The following SH2D4B variants were observed in gnomAD, a reference collection of about 807,000 sequenced individuals.
SH2D4B encodes the protein SH2 domain-containing protein 4B.
In SH2D4B, 45 loss-of-function variants were observed where a neutral mutation model predicts 61.5. The ratio of observed to expected loss-of-function variants is 0.73; its 90% confidence interval spans 0.58 to 0.94. SH2D4B has a LOEUF of 0.94. Among genes scored for constraint, SH2D4B ranks in the 40% least tolerant of loss-of-function variants. The pLI, the probability that SH2D4B is intolerant of heterozygous loss-of-function variation, is 0.00. For missense variants in SH2D4B, 572 were observed against 574.2 expected (o/e 1.00, Z 0.04); for synonymous variants, 224 against 220.4 (o/e 1.02, Z -0.14).
intron 2 of SH2D4B, 79 bp downstream of exon 2, chr10:80,570,395 T>C: frequency 1.3e-6 from 2 of 1,508,080 alleles, no homozygotes; most frequent in Non-Finnish European, 9.0e-7. Context: ...AATTTTTGTA[T>C]TTTTAGTAGA....
intron 3 of SH2D4B, among the ~76,000 whole-genome samples, chr10:80,575,094 A>G (rs898665262): frequency 4.6e-5 from 7 of 152,052 alleles, no homozygotes; most frequent in African/African-American, 1.4e-4. Context: ...AATTTCAAAC[A>G]TGAAGAAAAG....
At chr10:80,544,632 T>C (rs1221949549) in intron 1 of SH2D4B, among the ~76,000 whole-genome samples, 1 of 152,268 alleles carries the variant, frequency 6.6e-6, no homozygotes, top group South Asian at 2.1e-4. Flanking sequence ...TGACCTTGCA[T>C]GCCAGCCCTG....
chr10:80,618,668 G>A (rs1842684644), intron 6 of SH2D4B, among the ~76,000 whole-genome samples: 1 of 152,182 alleles, frequency 6.6e-6, no homozygotes. Flanking sequence ...TGGTAATGGA[G>A]GTGTTGTCAG....
Position 80,643,961 on chromosome 10 carries a change from A to G in SH2D4B, c.1210-32A>G, listed in dbSNP as rs769055208. ...AGATGTGTATTTCCCTGTCTTGATT[A>G]TAAGTGGATTTTCCTTTTTTTTCTG... is the stretch of plus-strand genomic sequence containing the variant. On this transcript the variant is annotated intron_variant, in intron 7 of 7. Transcript: ENST00000646907. 9 of 1,563,826 alleles carry G rather than the reference A, an allele frequency of 5.8e-6. No individual in the cohort carries two copies. In the African/African-American group the frequency reaches 6.8e-5, roughly 12 times the overall value.
At chr10:80,547,820 G>A (rs1449986486) in intron 1 of SH2D4B, among the ~76,000 whole-genome samples, 1 of 152,206 alleles carries the variant, frequency 6.6e-6, no homozygotes, top group Non-Finnish European at 1.5e-5. Flanking sequence ...AAGACAAGAA[G>A]TAAGAAGCCT....
At chr10:80,562,478 G>T (rs1044014198) in intron 1 of SH2D4B, among the ~76,000 whole-genome samples, 1 of 152,198 alleles carries the variant, frequency 6.6e-6, no homozygotes, top group Admixed American at 6.5e-5. Flanking sequence ...GATATTATGT[G>T]AGGACTTACT....
At chr10:80,642,602 C>A (rs1476739684) in intron 7 of SH2D4B, among the ~76,000 whole-genome samples, 1 of 152,204 alleles carries the variant, frequency 6.6e-6, no homozygotes, top group African/African-American at 2.4e-5. Flanking sequence ...AATCCGTATA[C>A]CAAACCTTGT....
intron 5 of SH2D4B, among the ~76,000 whole-genome samples, chr10:80,608,315 G>A (rs750574457): frequency 1.2e-4 from 18 of 152,214 alleles, no homozygotes; most frequent in South Asian, 2.1e-4. Context: ...GGAGGGGCAC[G>A]GGAAGAGTTT....
intron 7 of SH2D4B, among the ~76,000 whole-genome samples, chr10:80,635,895 C>T (rs1190139336): frequency 1.3e-5 from 2 of 152,136 alleles, no homozygotes; most frequent in Non-Finnish European, 2.9e-5. Context: ...GTTTGCTGCA[C>T]CCATTAACTC....
intron 2 of SH2D4B, among the ~76,000 whole-genome samples, chr10:80,570,621 T>C (rs572836192): frequency 2.6e-5 from 4 of 152,358 alleles, no homozygotes; most frequent in African/African-American, 7.2e-5. Flanking sequence ...AATGTAACCA[T>C]AGTGAATGTT....
Position 80,571,594 on chromosome 10 carries a change from G to A in SH2D4B, c.495+16G>A, listed in dbSNP as rs773394869. On this transcript the variant is annotated intron_variant, in intron 3 of 7. Coordinates refer to ENST00000646907, the MANE Select transcript of SH2D4B (RefSeq NM_001388272.1). ...GGAATTCAAGGTGGGCCAGCGCATG[G>A]GGCCCCTGCGTGCGGCCACCTAATT... The A allele has an allele frequency of 1.2e-6, 2 of 1,612,150 alleles. No individual in the cohort carries two copies. Among genetic ancestry groups the A allele is most frequent in the South Asian group, 1.1e-5 (1 of 91,002 alleles).
At chr10:80,591,505 CTTTTT>C (rs763446349) in intron 4 of SH2D4B, among the ~76,000 whole-genome samples, 1 of 108,928 alleles carries the variant, frequency 9.2e-6, no homozygotes, top group Non-Finnish European at 1.8e-5. Context: ...GCCAAACTGG[CTTTTT>C]TTTTTTTTTT....
intron 6 of SH2D4B, among the ~76,000 whole-genome samples, chr10:80,629,932 G>A (rs565076773): frequency 6.6e-6 from 1 of 152,280 alleles, no homozygotes; most frequent in East Asian, 1.9e-4. Flanking sequence ...CCCTGCCAAT[G>A]TCCCAGGCAT....
intron 3 of SH2D4B, among the ~76,000 whole-genome samples, chr10:80,586,180 G>C (rs545252160): frequency 6.6e-6 from 1 of 152,094 alleles, no homozygotes; most frequent in East Asian, 1.9e-4. Context: ...CTCCTGTGCC[G>C]CCGAGCCTCC....
intron 1 of SH2D4B, among the ~76,000 whole-genome samples, chr10:80,568,892 A>G (rs1842004384): frequency 6.6e-6 from 1 of 152,236 alleles, no homozygotes; most frequent in African/African-American, 2.4e-5. Context: ...TGAAAAGTTC[A>G]GAAAGCATGG....
Position 80,639,217 on chromosome 10 carries a change from A to G in SH2D4B, c.1209+4712A>G, listed in dbSNP as rs190633848. On this transcript the variant is annotated intron_variant, in intron 7 of 7. Transcript: ENST00000646907. Reference sequence around the variant, plus strand: ...TGCTTTACTTCCAACTGTGTGGTCAATTTTGGAATAAGTGCAATGTGGTGC... The same window carrying G: ...TGCTTTACTTCCAACTGTGTGGTCAGTTTTGGAATAAGTGCAATGTGGTGC... Among the ~76,000 whole-genome samples, 133 of 152,300 alleles carry G rather than the reference A, an allele frequency of 8.7e-4. No individual in the cohort carries two copies. The East Asian group carries it at 0.024, about 27-fold the overall frequency.
chr10:80,595,448 A>G (rs11186209), intron 4 of SH2D4B, among the ~76,000 whole-genome samples: 18,148 of 152,144 alleles, frequency 0.12, 1,214 homozygotes, highest in East Asian at 0.25. Flanking sequence ...CGGGTGAGGA[A>G]AGTGAGGGGG....
At chr10:80,543,888 T>C (rs1389814780) in intron 1 of SH2D4B, among the ~76,000 whole-genome samples, 2 of 151,782 alleles carry the variant, frequency 1.3e-5, no homozygotes, top group Non-Finnish European at 2.9e-5. Flanking sequence ...TGTATCTAGC[T>C]GATCTGGTGG....
At chr10:80,555,235 A>G (rs975757190) in intron 1 of SH2D4B, among the ~76,000 whole-genome samples, 1 of 152,164 alleles carries the variant, frequency 6.6e-6, no homozygotes, top group Non-Finnish European at 1.5e-5. Context: ...CTTTTCAATA[A>G]GGACATCCTT....
Sources: allele counts gnomAD v4.1 joint callset (sites outside exome capture counted in the v4.1 genomes callset), GRCh38; gene constraint gnomAD v4.1.1; transcripts MANE v1.5; gene names NCBI Gene and HGNC (gene_info 2026-07-23, HGNC 2026-07-21).